Variants in PRKCQ observed in about 807,000 individuals in gnomAD.
PRKCQ encodes the protein protein kinase C theta type.
A neutral mutation model predicts 91.2 loss-of-function variants in PRKCQ; 41 were observed. The ratio of observed to expected loss-of-function variants is 0.45; its 90% CI spans 0.35 to 0.58. The LOEUF is 0.58. Among genes scored for constraint, PRKCQ ranks in the 20% least tolerant of loss-of-function variants. The pLI, the probability that PRKCQ is intolerant of heterozygous loss-of-function variation, is 0.00. For synonymous variants in PRKCQ, 307 were observed against 316.9 expected, an observed-to-expected ratio of 0.97 and a Z score of 0.33; for missense variants, 673 against 896.5, an observed-to-expected ratio of 0.75 and a Z score of 3.18.
the PRKCQ span, among the ~76,000 whole-genome samples, chr10:6,417,502 C>CG: frequency 6.6e-6 from 1 of 152,146 alleles, no homozygotes; most frequent in Non-Finnish European, 1.5e-5. Flanking sequence ...GGTCAAACCC[C>CG]AAATTCGAAT....
intron 7 of PRKCQ, 133 bp from the exon 8 acceptor site, chr10:6,491,945 T>C: frequency 7.7e-7 from 1 of 1,306,568 alleles, no homozygotes; most frequent in Non-Finnish European, 1.1e-6. Context: ...AAACCATCAT[T>C]GTCACTTGTC....
intron 2 of PRKCQ, chr10:6,512,298 A>T (rs1042538539): frequency 1.3e-5 from 2 of 152,204 alleles, no homozygotes; most frequent in African/African-American, 2.4e-5. Flanking sequence ...CAAGTCAGAG[A>T]GGTGGTGCTG....
At chr10:6,555,022 C>A (rs1309635230) in intron 1 of PRKCQ, among the ~76,000 whole-genome samples, 1 of 151,994 alleles carries the variant, frequency 6.6e-6, no homozygotes, top group Non-Finnish European at 1.5e-5. Flanking sequence ...GTGGTGAATG[C>A]AGGAACAGAT....
At chr10:6,510,178 C>T (rs1838400174) in intron 3 of PRKCQ, among the ~76,000 whole-genome samples, 1 of 152,134 alleles carries the variant, frequency 6.6e-6, no homozygotes, top group African/African-American at 2.4e-5. Context: ...CATGTAAAAG[C>T]AGTTTCTTAC....
At chr10:6,536,357 C>G (rs1388625151) in intron 1 of PRKCQ, among the ~76,000 whole-genome samples, 1 of 152,092 alleles carries the variant, frequency 6.6e-6, no homozygotes, top group Non-Finnish European at 1.5e-5. Flanking sequence ...TTGGCTATGC[C>G]CTTGACTGCC....
At chr10:6,399,481 C>CTT in the PRKCQ span, among the ~76,000 whole-genome samples, 2 of 149,190 alleles carry the variant, frequency 1.3e-5, no homozygotes, top group Admixed American at 6.7e-5. Flanking sequence ...AAATTGCCCC[C>CTT]TTTTTTTTTT....
rs1457520363 is a variant in PRKCQ at position 6,520,030 on chromosome 10, T to C, written c.-9-4886A>G. On this transcript the variant is annotated intron_variant, in intron 1 of 17. Transcript: ENST00000263125. The stretch of plus-strand genomic sequence containing the variant: ...TGGTGGTCTATTGTGTAACACATGG[T>C]AGTCTCATACTTTATGACAACAATC... Among the ~76,000 whole-genome samples, 4 of 152,312 alleles carry C rather than the reference T, an allele frequency of 2.6e-5. No individual in the cohort carries two copies. In the East Asian group the frequency reaches 7.7e-4, roughly 29 times the overall value.
rs1833169264 is a variant in PRKCQ at position 6,427,424 on chromosome 10, G to C, written c.*783C>G. ...GCACTTCATTTCTTTTCTTGTTATAGTGTGAGAATGGCAGTGAGTGACTGT... is the reference window on the plus strand; with the variant it reads ...GCACTTCATTTCTTTTCTTGTTATACTGTGAGAATGGCAGTGAGTGACTGT... On this transcript the variant is annotated 3_prime_UTR_variant, in exon 18 of 18. Coordinates refer to ENST00000263125, the MANE Select transcript of PRKCQ (RefSeq NM_006257.5). 2 of 152,246 alleles carry C rather than the reference G, an allele frequency of 1.3e-5. No individual in the cohort carries two copies. The highest frequency in any genetic ancestry group is 4.1e-4 in the South Asian group (2 of 4,828). The allele number at this position is 152,246 out of a possible 1,614,324, so 9.4% of individuals were successfully genotyped here.
intron 1 of PRKCQ, among the ~76,000 whole-genome samples, chr10:6,534,420 A>T (rs182898573): frequency 8.5e-5 from 13 of 152,252 alleles, no homozygotes; most frequent in Non-Finnish European, 1.5e-4. Flanking sequence ...TTTTGGGAAA[A>T]TTTTGTAATA....
intron 15 of PRKCQ, among the ~76,000 whole-genome samples, chr10:6,449,641 C>G (rs1432380195): frequency 1.3e-5 from 2 of 151,824 alleles, no homozygotes; most frequent in East Asian, 3.9e-4. Flanking sequence ...TCAGATTCAC[C>G]AAAGTTGAAA....
chr10:6,521,676 T>C (rs565379936), intron 1 of PRKCQ, among the ~76,000 whole-genome samples: 1 of 152,340 alleles, frequency 6.6e-6, no homozygotes, highest in Non-Finnish European at 1.5e-5. Flanking sequence ...AGAAATAGTC[T>C]TTCAGGAGCA....
At chr10:6,405,618 A>G in the PRKCQ span, among the ~76,000 whole-genome samples, 5 of 152,218 alleles carry the variant, frequency 3.3e-5, no homozygotes. Context: ...TGGAATGGGA[A>G]GGTGGATATT....
Position 6,521,877 on chromosome 10 carries a change from C to G in PRKCQ, c.-9-6733G>C, listed in dbSNP as rs114891940. Among the ~76,000 whole-genome samples the G allele has an allele frequency of 9.6e-3, 1,451 of 151,202 alleles. 19 individuals carry two copies. Among genetic ancestry groups the G allele is most frequent in the African/African-American group, 0.033 (1,362 of 40,966 alleles). On this transcript the variant is annotated intron_variant, in intron 1 of 17. Transcript: ENST00000263125. The stretch of plus-strand genomic sequence containing the variant: ...TGCTACCCCAGCTGCAAAACACCAT[C>G]ATGATATGTACTATGTTATGTTATG...
At chr10:6,566,496 C>T (rs1355110930) in intron 1 of PRKCQ, among the ~76,000 whole-genome samples, 1 of 152,096 alleles carries the variant, frequency 6.6e-6, no homozygotes. Context: ...CCTTGTCTCC[C>T]AATTCCCACT....
intron 1 of PRKCQ, among the ~76,000 whole-genome samples, chr10:6,536,308 T>A (rs1354183565): frequency 6.6e-6 from 1 of 152,204 alleles, no homozygotes; most frequent in Non-Finnish European, 1.5e-5. Context: ...ATGGATGTGA[T>A]GGTGTCAAAT....
chr10:6,424,748 G>A (rs1049590747), downstream of PRKCQ, among the ~76,000 whole-genome samples: 6 of 152,118 alleles, frequency 3.9e-5, no homozygotes, highest in African/African-American at 1.4e-4. Context: ...CTTGCTGGAC[G>A]GGATCTGAGA....
intron 2 of PRKCQ, among the ~76,000 whole-genome samples, chr10:6,512,757 G>A (rs1339425946): frequency 6.6e-6 from 1 of 151,956 alleles, no homozygotes; most frequent in Non-Finnish European, 1.5e-5. Flanking sequence ...TTTATTTCGG[G>A]GGTATACAAG....
chr10:6,538,440 T>C (rs949662549), intron 1 of PRKCQ, among the ~76,000 whole-genome samples: 25 of 152,244 alleles, frequency 1.6e-4, no homozygotes, highest in African/African-American at 5.8e-4. Context: ...AGCTGTTCCA[T>C]TGGGAAATGT....
intron 15 of PRKCQ, among the ~76,000 whole-genome samples, chr10:6,454,358 G>T (rs772659070): frequency 6.6e-6 from 1 of 152,144 alleles, no homozygotes; most frequent in Non-Finnish European, 1.5e-5. Flanking sequence ...CTGCACTAGG[G>T]TAACAGCAGT....
Sources: allele counts gnomAD v4.1 joint callset (sites outside exome capture counted in the v4.1 genomes callset), GRCh38; gene constraint gnomAD v4.1.1; transcripts MANE v1.5; gene names NCBI Gene and HGNC (gene_info 2026-07-23, HGNC 2026-07-21).